KIAA1217: variants seen among roughly 807,000 people sequenced by gnomAD.
KIAA1217 encodes the protein sickle tail protein homolog.
Under a neutral mutation model 163.9 loss-of-function variants are expected in KIAA1217, and 88 were observed. The ratio of observed to expected loss-of-function variants is 0.54; its 90% CI spans 0.45 to 0.64. The LOEUF (loss-of-function observed/expected upper bound fraction) is 0.64. KIAA1217 is among the 30% of genes least tolerant of loss of function. The probability of loss-of-function intolerance (pLI) is 0.00; values close to 1 mark genes in which losing one functional copy is unlikely to be tolerated. For missense variants in KIAA1217, 2,372 were observed against 2,475.0 expected, an observed-to-expected ratio of 0.96 and a Z score of 0.88; for synonymous variants, 903 against 923.1, an observed-to-expected ratio of 0.98 and a Z score of 0.39.
At chr10:24,354,761 C>CCTCTGCTCTTCTGCTT (rs1422473611) in intron 2 of KIAA1217, among the ~76,000 whole-genome samples, 6 of 152,162 alleles carry the variant, frequency 3.9e-5, no homozygotes, top group Non-Finnish European at 7.4e-5. Context: ...CTCTTCTGCT[C>CCTCTGCTCTTCTGCTT]CTCTGCTCTT....
At chr10:24,244,731 A>G (rs375608112) in intron 2 of KIAA1217, among the ~76,000 whole-genome samples, 6 of 151,472 alleles carry the variant, frequency 4.0e-5, no homozygotes, top group African/African-American at 1.5e-4. Context: ...TGCCCTGCTA[A>G]TTTTTCTAAT....
At chr10:24,006,731 C>A (rs979317492) in intron 1 of KIAA1217, among the ~76,000 whole-genome samples, 1 of 152,176 alleles carries the variant, frequency 6.6e-6, no homozygotes, top group Non-Finnish European at 1.5e-5. Context: ...ATGAGCATGA[C>A]CATGACCATG....
At chr10:23,837,500 A>G (rs1838534270) in intron 1 of KIAA1217, among the ~76,000 whole-genome samples, 1 of 152,086 alleles carries the variant, frequency 6.6e-6, no homozygotes, top group African/African-American at 2.4e-5. Context: ...CTGTTTCACT[A>G]TTGAAATGAC....
chr10:24,244,611 C>T (rs142114727), intron 2 of KIAA1217, among the ~76,000 whole-genome samples: 6 of 139,758 alleles, frequency 4.3e-5, no homozygotes, highest in South Asian at 2.2e-4. Context: ...GTCACCCAGG[C>T]GGGAGTGCAG....
intron 2 of KIAA1217, among the ~76,000 whole-genome samples, chr10:24,050,648 AT>A (rs1443160105): frequency 6.6e-6 from 1 of 152,060 alleles, no homozygotes; most frequent in African/African-American, 2.4e-5. Flanking sequence ...GCTCTGTTCT[AT>A]TCCATTGGCT....
chr10:23,820,305 C>G (rs1409392279), intron 1 of KIAA1217, among the ~76,000 whole-genome samples: 1 of 152,188 alleles, frequency 6.6e-6, no homozygotes, highest in Non-Finnish European at 1.5e-5. Context: ...CTGTGGTTTA[C>G]AGAACTCTTT....
intron 1 of KIAA1217, among the ~76,000 whole-genome samples, chr10:23,839,831 A>C (rs1223776825): frequency 6.6e-6 from 1 of 152,158 alleles, no homozygotes; most frequent in East Asian, 1.9e-4. Flanking sequence ...GTAGCCCAGA[A>C]ATAATGCTCC....
intron 2 of KIAA1217, among the ~76,000 whole-genome samples, chr10:24,368,120 A>G (rs1035245533): frequency 6.6e-6 from 1 of 152,212 alleles, no homozygotes; most frequent in African/African-American, 2.4e-5. Context: ...CATGTCACAC[A>G]TCATCCCAAT....
intron 1 of KIAA1217, among the ~76,000 whole-genome samples, chr10:23,727,238 C>T (rs1439642768): frequency 6.6e-6 from 1 of 151,942 alleles, no homozygotes; most frequent in African/African-American, 2.4e-5. Flanking sequence ...CGATCCACCC[C>T]TCTCGGCCTC....
intron 2 of KIAA1217, among the ~76,000 whole-genome samples, chr10:24,161,609 A>G (rs1267463073): frequency 6.6e-6 from 1 of 152,242 alleles, no homozygotes; most frequent in Non-Finnish European, 1.5e-5. Flanking sequence ...TAAAGTTATA[A>G]AGATATAAGT....
chr10:23,739,463 C>T (rs1490381905), intron 1 of KIAA1217, among the ~76,000 whole-genome samples: 3 of 152,104 alleles, frequency 2.0e-5, no homozygotes, highest in Non-Finnish European at 4.4e-5. Context: ...GCAAAAACCT[C>T]TAGTGGGTGC....
chr10:24,290,468 T>C (rs532372250), intron 2 of KIAA1217, among the ~76,000 whole-genome samples: 54 of 152,080 alleles, frequency 3.6e-4, no homozygotes, highest in Non-Finnish European at 6.2e-4. Flanking sequence ...CTGCAAACAT[T>C]ACCTGTCATT....
intron 5 of KIAA1217, among the ~76,000 whole-genome samples, chr10:24,457,003 A>T (rs948380892): frequency 6.6e-6 from 1 of 151,450 alleles, no homozygotes; most frequent in Admixed American, 6.6e-5. Flanking sequence ...TGCCCGGCCA[A>T]TTAAACCCTT....
chr10:23,936,971 C>T (rs887673875), intron 1 of KIAA1217, among the ~76,000 whole-genome samples: 5 of 152,090 alleles, frequency 3.3e-5, no homozygotes, highest in East Asian at 1.9e-4. Context: ...CTCCACCTCC[C>T]GGGTTCAAGT....
At chr10:23,885,743 G>A (rs1019672571) in intron 1 of KIAA1217, among the ~76,000 whole-genome samples, 4 of 151,812 alleles carry the variant, frequency 2.6e-5, no homozygotes, top group Non-Finnish European at 4.4e-5. Context: ...GTCAACTGGC[G>A]ACTGAGTTCA....
rs534407391 is a variant in KIAA1217 at position 23,778,016 on chromosome 10, C to A, written c.-321+82782C>A. Reference sequence around the variant, plus strand: ...GGAGTGCAGTGGTGTGATCTCGGCTCACTGTAACCACCGCCTCCGGGTTCA... The same window carrying A: ...GGAGTGCAGTGGTGTGATCTCGGCTAACTGTAACCACCGCCTCCGGGTTCA... On this transcript the variant is annotated intron_variant, in intron 1 of 18. Transcript: ENST00000376462. 8.4e-4 allele frequency among the ~76,000 whole-genome samples: 126 copies of A among 150,016 alleles called. No individual in the cohort carries two copies. In the South Asian group the frequency reaches 0.026, roughly 31 times the overall value.
At chr10:24,096,690 C>A (rs2062176338) in intron 2 of KIAA1217, among the ~76,000 whole-genome samples, 1 of 152,140 alleles carries the variant, frequency 6.6e-6, no homozygotes, top group African/African-American at 2.4e-5. Context: ...TGCTGTGTTC[C>A]TCACCTGCCC....
At chr10:24,154,955 G>A (rs1270236782) in intron 2 of KIAA1217, among the ~76,000 whole-genome samples, 1 of 151,524 alleles carries the variant, frequency 6.6e-6, no homozygotes, top group Non-Finnish European at 1.5e-5. Context: ...GAAAGTAGAG[G>A]AGTGGTAGCC....
chr10:24,211,545 G>GTATTT (rs1423725936), intron 1 of KIAA1217, among the ~76,000 whole-genome samples: 14 of 38,510 alleles, frequency 3.6e-4, no homozygotes, highest in African/African-American at 9.3e-4. Context: ...GTATTGTATT[G>GTATTT]TATTGTATTG....
Sources: allele counts gnomAD v4.1 joint callset (sites outside exome capture counted in the v4.1 genomes callset), GRCh38; gene constraint gnomAD v4.1.1; transcripts MANE v1.5; gene names NCBI Gene and HGNC (gene_info 2026-07-23, HGNC 2026-07-21).